The following BRD10 variants were observed in gnomAD, a reference collection of about 807,000 sequenced individuals.
The protein encoded by BRD10 is uncharacterized bromodomain-containing protein 10.
At chr9:5,928,703 G>C in the BRD10 span, among the ~76,000 whole-genome samples, 1 of 152,140 alleles carries the variant, frequency 6.6e-6, no homozygotes, top group Non-Finnish European at 1.5e-5. Flanking sequence ...CATCAGGGAA[G>C]CTTTCCCTGA....
At chr9:5,937,418 C>G in the BRD10 span, among the ~76,000 whole-genome samples, 7 of 151,756 alleles carry the variant, frequency 4.6e-5, no homozygotes, top group African/African-American at 1.7e-4. Flanking sequence ...GCCTGTAATC[C>G]CAGCTACTAG....
the BRD10 span, among the ~76,000 whole-genome samples, chr9:5,987,166 C>G: frequency 6.6e-6 from 1 of 152,068 alleles, no homozygotes; most frequent in Non-Finnish European, 1.5e-5. Context: ...TAAACATTAG[C>G]CATTCTTTTT....
At chr9:5,892,325 A>G in the BRD10 span, 1 of 527,108 alleles carries the variant, frequency 1.9e-6, no homozygotes, top group Non-Finnish European at 3.2e-6. Flanking sequence ...CCTCACAGAG[A>G]GAAACCAAAG....
chr9:5,893,690 A>G, the BRD10 span, among the ~76,000 whole-genome samples: 1 of 152,100 alleles, frequency 6.6e-6, no homozygotes, highest in Non-Finnish European at 1.5e-5. Flanking sequence ...TTTAAAATAT[A>G]CTTTTATGTC....
chr9:5,992,762 A>T, the BRD10 span, among the ~76,000 whole-genome samples: 1 of 151,476 alleles, frequency 6.6e-6, no homozygotes, highest in Non-Finnish European at 1.5e-5. Context: ...TTCTGTGTTA[A>T]TACATTCCAA....
the BRD10 span, among the ~76,000 whole-genome samples, chr9:5,967,425 G>C: frequency 1.3e-5 from 2 of 152,064 alleles, no homozygotes; most frequent in African/African-American, 4.8e-5. Context: ...TTTAAATTTG[G>C]TGAAAGACAA....
the BRD10 span, among the ~76,000 whole-genome samples, chr9:5,952,464 T>C: frequency 6.6e-6 from 1 of 152,260 alleles, no homozygotes; most frequent in Non-Finnish European, 1.5e-5. Context: ...GTGTACATAT[T>C]CACACTGCTA....
the BRD10 span, among the ~76,000 whole-genome samples, chr9:5,915,938 T>C: frequency 6.6e-6 from 1 of 152,236 alleles, no homozygotes; most frequent in African/African-American, 2.4e-5. Flanking sequence ...GATGATTACA[T>C]ACATCATTTG....
chr9:5,880,783 C>A, the BRD10 span, among the ~76,000 whole-genome samples: 1 of 151,394 alleles, frequency 6.6e-6, no homozygotes, highest in Non-Finnish European at 1.5e-5. Flanking sequence ...CAGCTCACTG[C>A]AACCTCCGCT....
At chr9:5,883,775 A>C in the BRD10 span, among the ~76,000 whole-genome samples, 5 of 151,854 alleles carry the variant, frequency 3.3e-5, no homozygotes, top group Admixed American at 1.3e-4. Context: ...CCCACCCCCT[A>C]TTCCTTCTTA....
the BRD10 span, chr9:6,007,640 G>C: frequency 1.2e-6 from 2 of 1,603,198 alleles, no homozygotes; most frequent in South Asian, 1.1e-5. Flanking sequence ...GCGTCCTCCA[G>C]CGAGGAGGCA....
At chr9:6,006,964 G>A in the BRD10 span, among the ~76,000 whole-genome samples, 3 of 152,198 alleles carry the variant, frequency 2.0e-5, no homozygotes, top group Admixed American at 1.3e-4. Flanking sequence ...CAGCTCTTCA[G>A]CGCTGCAGAC....
At chr9:5,994,727 C>A in the BRD10 span, among the ~76,000 whole-genome samples, 1 of 152,100 alleles carries the variant, frequency 6.6e-6, no homozygotes, top group Non-Finnish European at 1.5e-5. Context: ...CAGCCAAAGG[C>A]CCCTTCACTC....
chr9:5,946,630 G>A, the BRD10 span, among the ~76,000 whole-genome samples: 1 of 146,228 alleles, frequency 6.8e-6, no homozygotes, highest in African/African-American at 2.5e-5. Context: ...AGAGCTTGCA[G>A]GTGGATGGCT....
At chr9:5,957,274 T>G in the BRD10 span, among the ~76,000 whole-genome samples, 1 of 152,142 alleles carries the variant, frequency 6.6e-6, no homozygotes, top group Non-Finnish European at 1.5e-5. Context: ...CTCACTCATG[T>G]GTCACACAGT....
the BRD10 span, chr9:5,924,850 A>C: frequency 6.8e-7 from 1 of 1,471,404 alleles, no homozygotes; most frequent in African/African-American, 1.4e-5. Context: ...CGGCTCCTGA[A>C]ATAAAATGCC....
chr9:5,887,547 T>C, the BRD10 span, among the ~76,000 whole-genome samples: 3 of 152,212 alleles, frequency 2.0e-5, no homozygotes, highest in African/African-American at 7.2e-5. Flanking sequence ...GGCCAGGCTA[T>C]TATAGAACCC....
At chr9:5,921,193 A>C in the BRD10 span, 1 of 1,613,892 alleles carries the variant, frequency 6.2e-7, no homozygotes, top group Non-Finnish European at 8.5e-7. Context: ...TTGGGGTTAC[A>C]TTTTGTAATA....
At chr9:5,993,963 G>C in the BRD10 span, among the ~76,000 whole-genome samples, 1 of 152,166 alleles carries the variant, frequency 6.6e-6, no homozygotes, top group African/African-American at 2.4e-5. Flanking sequence ...TTGCATATTT[G>C]ATAGATAAGC....
Sources: allele counts gnomAD v4.1 joint callset (sites outside exome capture counted in the v4.1 genomes callset), GRCh38; gene constraint gnomAD v4.1.1; transcripts MANE v1.5; gene names NCBI Gene and HGNC (gene_info 2026-07-23, HGNC 2026-07-21).